Variants in PPP1R9A observed in about 807,000 individuals in gnomAD.
PPP1R9A encodes the protein protein phosphatase 1 regulatory subunit 9A.
Under a neutral mutation model 141.9 loss-of-function variants are expected in PPP1R9A, and 59 were observed. The observed-to-expected ratio is 0.42, with a 90% CI of 0.34 to 0.52. PPP1R9A has a LOEUF of 0.52. Among genes scored for constraint, PPP1R9A ranks in the 20% least tolerant of loss-of-function variants. The pLI is 0.10. For missense variants in PPP1R9A, 1,444 were observed against 1,611.9 expected (o/e 0.90, Z 1.78); for synonymous variants, 500 against 569.7 (o/e 0.88, Z 1.74).
chr7:95,262,361 G>T (rs1254056220), intron 12 of PPP1R9A, among the ~76,000 whole-genome samples: 1 of 152,070 alleles, frequency 6.6e-6, no homozygotes, highest in Admixed American at 6.6e-5. Flanking sequence ...TTTTCCATCA[G>T]AATCTAAAGA....
intron 19 of PPP1R9A, 40 bp downstream of exon 19, chr7:95,288,758 T>A: frequency 3.8e-6 from 6 of 1,596,630 alleles, no homozygotes; most frequent in Non-Finnish European, 5.1e-6. Flanking sequence ...CCAGGTATAA[T>A]TTGTATTACT....
Position 95,092,344 on chromosome 7 carries a change from C to A in PPP1R9A, c.1396-18915C>A, listed in dbSNP as rs539058381. Among the ~76,000 whole-genome samples the A allele has an allele frequency of 3.3e-3, 405 of 123,480 alleles. 6 individuals carry two copies. Among genetic ancestry groups the A allele is most frequent in the Admixed American group, 0.029 (369 of 12,598 alleles). 81.0% of individuals were successfully genotyped at this position (123,480 alleles called of 152,430 possible). The stretch of plus-strand genomic sequence containing the variant: ...TTTCTTGTCTGTATCTTATACTACA[C>A]GCTTTTTTTTTTTTTTTGATTAAAG... On this transcript the variant is annotated intron_variant, in intron 2 of 19. Coordinates refer to ENST00000433360, the MANE Select transcript of PPP1R9A (RefSeq NM_001166160.2).
chr7:95,133,348 G>A (rs1167147136), intron 4 of PPP1R9A, among the ~76,000 whole-genome samples: 1 of 151,938 alleles, frequency 6.6e-6, no homozygotes, highest in African/African-American at 2.4e-5. Flanking sequence ...TGTCTGCCTA[G>A]GAATTTGTCT....
intron 2 of PPP1R9A, among the ~76,000 whole-genome samples, chr7:94,976,264 G>A (rs890609151): frequency 1.3e-5 from 2 of 151,748 alleles, no homozygotes; most frequent in African/African-American, 2.4e-5. Context: ...AATTATTACG[G>A]CATTGTTTAT....
At chr7:94,939,593 C>T (rs1795111854) in intron 2 of PPP1R9A, among the ~76,000 whole-genome samples, 1 of 151,810 alleles carries the variant, frequency 6.6e-6, no homozygotes, top group Non-Finnish European at 1.5e-5. Context: ...GTGCTTTAGT[C>T]AGCAAAACAG....
At position 95,296,004 on chromosome 7, in the gene PPP1R9A, G is replaced by A. The variant is rs528068078; in HGVS notation, c.*5701G>A. 6.5e-6 allele frequency: 1 copy of A among 152,712 alleles called. No individual in the cohort carries two copies. Among genetic ancestry groups the A allele is most frequent in the Non-Finnish European group, 1.5e-5 (1 of 68,014 alleles). 9.5% of individuals were successfully genotyped at this position (152,712 alleles called of 1,614,324 possible). ...AATAAATTCTATTCCACTGTAAGAA[G>A]TTGATTTCTTTTCAGCTTTCTTTGT... On this transcript the variant is annotated 3_prime_UTR_variant, in exon 20 of 20. Coordinates refer to ENST00000433360, the MANE Select transcript of PPP1R9A (RefSeq NM_001166160.2).
At chr7:95,108,403 T>G (rs531520353) in intron 2 of PPP1R9A, among the ~76,000 whole-genome samples, 1 of 136,872 alleles carries the variant, frequency 7.3e-6, no homozygotes, top group Admixed American at 8.0e-5. Flanking sequence ...CTCCGCCTCC[T>G]GGGTTCATGC....
chr7:95,063,115 T>C (rs1812466120), intron 2 of PPP1R9A, among the ~76,000 whole-genome samples: 1 of 152,204 alleles, frequency 6.6e-6, no homozygotes, highest in African/African-American at 2.4e-5. Context: ...ATTGGTGGGC[T>C]GTAAGTCTGA....
intron 7 of PPP1R9A, among the ~76,000 whole-genome samples, chr7:95,208,242 T>C (rs1169648552): frequency 2.0e-5 from 3 of 152,182 alleles, no homozygotes; most frequent in Admixed American, 2.0e-4. Context: ...ATTTATGACA[T>C]AGATTACACT....
At chr7:94,970,791 T>C (rs2151221857) in intron 2 of PPP1R9A, among the ~76,000 whole-genome samples, 1 of 152,128 alleles carries the variant, frequency 6.6e-6, no homozygotes, top group Non-Finnish European at 1.5e-5. Flanking sequence ...TTTTACATTG[T>C]TAAGAGTAAA....
chr7:95,146,530 G>C (rs536984169), intron 4 of PPP1R9A, among the ~76,000 whole-genome samples: 2 of 152,188 alleles, frequency 1.3e-5, no homozygotes, highest in South Asian at 4.1e-4. Flanking sequence ...TTTGGCTTTT[G>C]TTGCCATTGT....
At chr7:95,051,826 A>AT (rs202124272) in intron 2 of PPP1R9A, among the ~76,000 whole-genome samples, 59 of 147,718 alleles carry the variant, frequency 4.0e-4, no homozygotes, top group African/African-American at 1.2e-3. Flanking sequence ...ATGCATTAAA[A>AT]TTTTTTTTTT....
At chr7:95,009,276 T>C (rs1228333978) in intron 2 of PPP1R9A, among the ~76,000 whole-genome samples, 3 of 152,182 alleles carry the variant, frequency 2.0e-5, no homozygotes, top group African/African-American at 7.2e-5. Context: ...GTTGTGCACA[T>C]GTACACTAGA....
In PPP1R9A at chr7:95,029,645, A is replaced by G. The variant is rs190704293; in HGVS notation, c.1396-81614A>G. ...ACTTTGGTAAAGAACTATTAGGGAT[A>G]GGAGACTTATATCATGCTACTGCTG... On this transcript the variant is annotated intron_variant, in intron 2 of 19. Transcript: ENST00000433360. Among the ~76,000 whole-genome samples, 15 of 152,316 alleles carry G rather than the reference A, an allele frequency of 9.8e-5. No individual in the cohort carries two copies. In the East Asian group the frequency reaches 2.3e-3, roughly 23 times the overall value.
intron 4 of PPP1R9A, among the ~76,000 whole-genome samples, chr7:95,158,775 C>A (rs1179908541): frequency 6.6e-6 from 1 of 152,050 alleles, no homozygotes; most frequent in East Asian, 1.9e-4. Context: ...AACAGTGTAA[C>A]AAATGGGTAA....
intron 2 of PPP1R9A, among the ~76,000 whole-genome samples, chr7:95,060,772 A>C (rs1229583154): frequency 6.6e-6 from 1 of 152,224 alleles, no homozygotes; most frequent in Non-Finnish European, 1.5e-5. Context: ...CTGATTGGCT[A>C]TAGGGATTTA....
intron 2 of PPP1R9A, among the ~76,000 whole-genome samples, chr7:94,944,539 G>A (rs1161695203): frequency 4.1e-5 from 6 of 146,494 alleles, no homozygotes; most frequent in Non-Finnish European, 8.9e-5. Flanking sequence ...TTACTTAAGG[G>A]GGAAGAGGGC....
At chr7:95,274,042 A>G in intron 15 of PPP1R9A, 43 bp from the exon 16 acceptor site, 1 of 1,501,730 alleles carries the variant, frequency 6.7e-7, no homozygotes. Context: ...ATTGAAAGAG[A>G]AAATTTCAGC....
At chr7:95,093,754 A>G (rs571481171) in intron 2 of PPP1R9A, among the ~76,000 whole-genome samples, 17 of 152,292 alleles carry the variant, frequency 1.1e-4, no homozygotes, top group African/African-American at 3.6e-4. Context: ...CATTACATCT[A>G]TGTTATTAAG....
Sources: allele counts gnomAD v4.1 joint callset (sites outside exome capture counted in the v4.1 genomes callset), GRCh38; gene constraint gnomAD v4.1.1; transcripts MANE v1.5; gene names NCBI Gene and HGNC (gene_info 2026-07-23, HGNC 2026-07-21).